The following MAP3K7CL variants were observed in gnomAD, a reference collection of about 807,000 sequenced individuals.
MAP3K7CL encodes the protein MAP3K7 C-terminal-like protein.
A neutral mutation model predicts 18.6 loss-of-function variants in MAP3K7CL; 16 were observed. The ratio of observed to expected loss-of-function variants is 0.86; its 90% CI spans 0.58 to 1.31. The LOEUF (loss-of-function observed/expected upper bound fraction) is 1.31. Among genes scored for constraint, MAP3K7CL ranks in the 50% most tolerant of loss-of-function variants. The pLI is 0.00. For synonymous variants in MAP3K7CL, 65 were observed against 66.8 expected, an observed-to-expected ratio of 0.97 and a Z score of 0.13; for missense variants, 163 against 174.4, an observed-to-expected ratio of 0.93 and a Z score of 0.37.
intron 1 of MAP3K7CL, among the ~76,000 whole-genome samples, chr21:29,087,193 A>G (rs529727556): frequency 6.6e-6 from 1 of 152,274 alleles, no homozygotes; most frequent in African/African-American, 2.4e-5. Flanking sequence ...TGCCTCCTTC[A>G]GGTCCCAGAT....
intron 1 of MAP3K7CL, among the ~76,000 whole-genome samples, chr21:29,090,820 T>G (rs1013285373): frequency 6.6e-6 from 1 of 152,018 alleles, no homozygotes; most frequent in Non-Finnish European, 1.5e-5. Context: ...GCTCTTTGTG[T>G]ATGTGTGTTC....
intron 4 of MAP3K7CL, among the ~76,000 whole-genome samples, chr21:29,099,910 C>T (rs899370053): frequency 6.6e-6 from 1 of 151,842 alleles, no homozygotes; most frequent in Admixed American, 6.6e-5. Flanking sequence ...GGTGAAACCC[C>T]GTCTCTACTA....
intron 3 of MAP3K7CL, among the ~76,000 whole-genome samples, chr21:29,150,933 A>G (rs2087257322): frequency 6.6e-6 from 1 of 151,202 alleles, no homozygotes; most frequent in Non-Finnish European, 1.5e-5. Flanking sequence ...CCACGCCCGG[A>G]TAATTTTTGT....
At chr21:29,108,033 T>C (rs1032145097) in intron 4 of MAP3K7CL, among the ~76,000 whole-genome samples, 1 of 152,244 alleles carries the variant, frequency 6.6e-6, no homozygotes, top group Non-Finnish European at 1.5e-5. Context: ...GTTATTTTCT[T>C]GAGTTAATTT....
intron 2 of MAP3K7CL, among the ~76,000 whole-genome samples, chr21:29,136,946 T>G (rs1305795399): frequency 6.6e-6 from 1 of 152,234 alleles, no homozygotes; most frequent in South Asian, 2.1e-4. Flanking sequence ...AGAGGCATGA[T>G]TTCTAGACCT....
At chr21:29,155,901 A>C (rs570349965) in intron 3 of MAP3K7CL, among the ~76,000 whole-genome samples, 3 of 152,192 alleles carry the variant, frequency 2.0e-5, no homozygotes, top group Non-Finnish European at 4.4e-5. Context: ...ACCTCCTAAG[A>C]ACTGGCTGCG....
intron 4 of MAP3K7CL, among the ~76,000 whole-genome samples, chr21:29,115,490 C>T (rs1037538772): frequency 1.3e-5 from 2 of 152,126 alleles, no homozygotes; most frequent in East Asian, 1.9e-4. Context: ...CAGAGTTATC[C>T]CTGAGTGCAG....
intron 4 of MAP3K7CL, chr21:29,109,749 G>A (rs974703961): frequency 1.0e-6 from 1 of 985,576 alleles, no homozygotes; most frequent in Non-Finnish European, 1.2e-6. Flanking sequence ...GCTGGCCCTA[G>A]GCAAAATTGT....
Position 29,130,770 on chromosome 21 carries a change from C to T in MAP3K7CL, c.-193C>T. 1.2e-5 allele frequency: 12 copies of T among 985,488 alleles called. No individual in the cohort carries two copies. Among genetic ancestry groups the T allele is most frequent in the Non-Finnish European group, 1.3e-5 (11 of 829,996 alleles). 61.0% of individuals were successfully genotyped at this position (985,488 alleles called of 1,614,324 possible). A position where few individuals can be genotyped will look rare whatever the true frequency, so the allele number is the denominator to read the frequency against. On this transcript the variant is annotated 5_prime_UTR_variant, in exon 1 of 5. Coordinates refer to ENST00000399928, the MANE Select transcript of MAP3K7CL (RefSeq NM_001286620.2). ...GGCAGAGCAGGTAGCAGCGTGCTGCCCTGACAGCTGTCTCCGCTCCTCAGA... is the reference window on the plus strand; with the variant it reads ...GGCAGAGCAGGTAGCAGCGTGCTGCTCTGACAGCTGTCTCCGCTCCTCAGA...
At chr21:29,149,095 A>T in intron 2 of MAP3K7CL, 94 bp from the exon 3 acceptor site, 1 of 1,000,574 alleles carries the variant, frequency 1.0e-6, no homozygotes, top group East Asian at 2.4e-5. Flanking sequence ...AATGACTGAA[A>T]CAGTGTATAC....
At chr21:29,172,241 CTTT>C (rs35612617) in intron 4 of MAP3K7CL, among the ~76,000 whole-genome samples, 64 of 126,276 alleles carry the variant, frequency 5.1e-4, no homozygotes, top group Admixed American at 8.4e-4. Flanking sequence ...TTGTCATTTT[CTTT>C]TTTTTTTTTT....
chr21:29,139,090 A>G (rs931900834), intron 2 of MAP3K7CL, among the ~76,000 whole-genome samples: 1 of 152,226 alleles, frequency 6.6e-6, no homozygotes, highest in Admixed American at 6.5e-5. Context: ...ACTTTTAAAT[A>G]ATACAGTTTT....
At chr21:29,166,216 A>G (rs1208468724) in intron 4 of MAP3K7CL, among the ~76,000 whole-genome samples, 5 of 152,018 alleles carry the variant, frequency 3.3e-5, no homozygotes, top group Admixed American at 1.3e-4. Flanking sequence ...CATCAATGAG[A>G]TCAACTTTTT....
intron 4 of MAP3K7CL, among the ~76,000 whole-genome samples, chr21:29,161,035 G>A (rs1241493192): frequency 2.0e-5 from 3 of 152,258 alleles, no homozygotes; most frequent in African/African-American, 7.2e-5. Context: ...TGGGGGCCGG[G>A]CGCAGTGGCC....
chr21:29,125,531 A>G (rs1175671958), intron 4 of MAP3K7CL, among the ~76,000 whole-genome samples: 5 of 152,220 alleles, frequency 3.3e-5, no homozygotes, highest in African/African-American at 1.2e-4. Flanking sequence ...AGTGGCTCCC[A>G]GTTACCCTTA....
intron 4 of MAP3K7CL, among the ~76,000 whole-genome samples, chr21:29,098,983 A>G (rs920631764): frequency 2.0e-5 from 3 of 151,954 alleles, no homozygotes; most frequent in Non-Finnish European, 4.4e-5. Context: ...TTTTGACCCC[A>G]TATGGAAAGG....
intron 4 of MAP3K7CL, 61 bp downstream of exon 4, chr21:29,160,117 C>T (rs2087511218): frequency 1.6e-5 from 21 of 1,321,604 alleles, no homozygotes; most frequent in South Asian, 1.1e-4. Context: ...GGACCAGGGG[C>T]AATGGGCAGG....
At chr21:29,091,989 G>A (rs1429313045) in intron 3 of MAP3K7CL, among the ~76,000 whole-genome samples, 1 of 152,202 alleles carries the variant, frequency 6.6e-6, no homozygotes, top group African/African-American at 2.4e-5. Context: ...ACATAATCCA[G>A]CTAGAATACT....
chr21:29,127,187 T>A (rs546127130), upstream of MAP3K7CL, among the ~76,000 whole-genome samples: 10 of 152,364 alleles, frequency 6.6e-5, no homozygotes, highest in Admixed American at 5.2e-4. Flanking sequence ...GTATTATTGA[T>A]CATAATTCAG....
Sources: allele counts gnomAD v4.1 joint callset (sites outside exome capture counted in the v4.1 genomes callset), GRCh38; gene constraint gnomAD v4.1.1; transcripts MANE v1.5; gene names NCBI Gene and HGNC (gene_info 2026-07-23, HGNC 2026-07-21).